Variants in DLG2 observed in about 807,000 individuals in gnomAD.
DLG2 encodes the protein disks large homolog 2.
In DLG2, 45 loss-of-function variants were observed where a neutral mutation model predicts 132.5. The ratio of observed to expected loss-of-function variants is 0.34; its 90% confidence interval spans 0.27 to 0.44. The LOEUF (loss-of-function observed/expected upper bound fraction) is 0.44, where lower values mean the gene tolerates loss of function less well. Among genes scored for constraint, DLG2 ranks in the 20% least tolerant of loss-of-function variants. DLG2 has a pLI of 1.00. For synonymous variants in DLG2, 424 were observed against 419.6 expected (o/e 1.01, Z -0.13); for missense variants, 1,045 against 1,196.9 (o/e 0.87, Z 1.87).
At chr11:85,220,185 AT>A (rs1391320868) in intron 4 of DLG2, among the ~76,000 whole-genome samples, 2 of 152,112 alleles carry the variant, frequency 1.3e-5, no homozygotes, top group African/African-American at 4.8e-5. Flanking sequence ...ATGATATCAA[AT>A]TTTGGTAACT....
chr11:83,788,251 C>T (rs2040557580), intron 17 of DLG2, among the ~76,000 whole-genome samples: 1 of 152,142 alleles, frequency 6.6e-6, no homozygotes, highest in South Asian at 2.1e-4. Context: ...CGCTTAAATT[C>T]CACATCATGA....
intron 3 of DLG2, among the ~76,000 whole-genome samples, chr11:85,541,053 G>C (rs2075933261): frequency 6.6e-6 from 1 of 152,170 alleles, no homozygotes; most frequent in South Asian, 2.1e-4. Context: ...ATGCAAATCT[G>C]ACTCAAATAA....
In DLG2 at chr11:83,881,770, G is replaced by T. The variant is rs7118864; in HGVS notation, c.1497-7282C>A. ...TTCAGGTGATTTGCATACTAACAAA[G>T]AATCAATTGTAATTATTCTTAAATC... is the stretch of plus-strand genomic sequence containing the variant. On this transcript the variant is annotated intron_variant, in intron 15 of 27. Transcript: ENST00000376104. 2.0e-3 allele frequency among the ~76,000 whole-genome samples: 307 copies of T among 152,220 alleles called. 1 individual carries two copies. Among genetic ancestry groups the T allele is most frequent in the African/African-American group, 6.8e-3 (283 of 41,544 alleles).
intron 6 of DLG2, among the ~76,000 whole-genome samples, chr11:85,058,141 A>G (rs1000815620): frequency 2.0e-5 from 3 of 151,718 alleles, no homozygotes; most frequent in Non-Finnish European, 4.4e-5. Context: ...AATTATTTAC[A>G]TAGTAAATCC....
chr11:83,664,522 T>C (rs2075104154), intron 18 of DLG2, among the ~76,000 whole-genome samples: 1 of 150,402 alleles, frequency 6.6e-6, no homozygotes. Context: ...CACTGGGAGG[T>C]AGTAGTTAAA....
chr11:84,583,381 G>C (rs904318982), intron 6 of DLG2, among the ~76,000 whole-genome samples: 1 of 152,144 alleles, frequency 6.6e-6, no homozygotes, highest in South Asian at 2.1e-4. Flanking sequence ...TTTCATGTCT[G>C]TCATCTCTTT....
intron 7 of DLG2, among the ~76,000 whole-genome samples, chr11:84,254,197 G>A (rs1007836296): frequency 3.3e-5 from 5 of 151,746 alleles, no homozygotes; most frequent in African/African-American, 1.2e-4. Flanking sequence ...TTAATAAATA[G>A]GTATTAATTT....
upstream of DLG2, among the ~76,000 whole-genome samples, chr11:85,628,314 T>C (rs1047909902): frequency 6.6e-6 from 1 of 152,156 alleles, no homozygotes; most frequent in Non-Finnish European, 1.5e-5. Context: ...CCGCCCCATC[T>C]TTCCCGCAGG....
At chr11:83,949,148 C>T (rs1694651100) in intron 14 of DLG2, among the ~76,000 whole-genome samples, 1 of 152,050 alleles carries the variant, frequency 6.6e-6, no homozygotes, top group Non-Finnish European at 1.5e-5. Flanking sequence ...GAGTATGAAA[C>T]ATTCTTTTTC....
chr11:84,081,768 G>T (rs1019114049), intron 10 of DLG2, among the ~76,000 whole-genome samples: 1 of 152,132 alleles, frequency 6.6e-6, no homozygotes, highest in South Asian at 2.1e-4. Flanking sequence ...GAATAGTGCC[G>T]CAATAAACAT....
chr11:83,458,264 A>G lies in DLG2; in HGVS notation c.*1554T>C, dbSNP rs941025355. On this transcript the variant is annotated 3_prime_UTR_variant, in exon 28 of 28. Transcript: ENST00000376104. ...CAATGCTGATGTCGCCATCCACTCT[A>G]AAGTGGGAAACCAACTCTTCTAGTT... The G allele has an allele frequency of 4.6e-5, 7 of 152,642 alleles. No homozygotes were observed. Among genetic ancestry groups the G allele is most frequent in the South Asian group, 4.1e-4 (2 of 4,834 alleles). The allele number at this position is 152,642 out of a possible 1,614,324, so 9.5% of individuals were successfully genotyped here.
At chr11:85,432,845 C>A (rs564578568) in intron 3 of DLG2, among the ~76,000 whole-genome samples, 1 of 152,196 alleles carries the variant, frequency 6.6e-6, no homozygotes, top group African/African-American at 2.4e-5. Flanking sequence ...ACGAGAAGAA[C>A]AACCCCAAGA....
chr11:84,469,824 T>C (rs749953816), intron 7 of DLG2, among the ~76,000 whole-genome samples: 1 of 151,474 alleles, frequency 6.6e-6, no homozygotes, highest in Non-Finnish European at 1.5e-5. Context: ...TCAAATGAAA[T>C]AGAGTCATGG....
intron 21 of DLG2, among the ~76,000 whole-genome samples, chr11:83,506,612 G>A (rs894294139): frequency 2.0e-5 from 3 of 152,136 alleles, no homozygotes; most frequent in Middle Eastern, 3.2e-3. Flanking sequence ...AGGCAGCACA[G>A]GGTTTATCTC....
intron 6 of DLG2, among the ~76,000 whole-genome samples, chr11:84,548,543 G>C (rs2099395261): frequency 6.7e-6 from 1 of 148,714 alleles, no homozygotes; most frequent in African/African-American, 2.5e-5. Flanking sequence ...TTGGTTTTTT[G>C]TCCTTGCGAT....
At chr11:84,791,258 G>A (rs899957569) in intron 6 of DLG2, among the ~76,000 whole-genome samples, 13 of 152,122 alleles carry the variant, frequency 8.5e-5, no homozygotes, top group African/African-American at 3.1e-4. Flanking sequence ...TACAATTTGA[G>A]ATAAGATTTG....
intron 6 of DLG2, among the ~76,000 whole-genome samples, chr11:84,884,856 C>T (rs934010034): frequency 6.6e-6 from 1 of 151,980 alleles, no homozygotes; most frequent in Non-Finnish European, 1.5e-5. Flanking sequence ...ACATTGTGTG[C>T]CTTTTGAGTA....
chr11:85,241,054 T>C (rs1204177818), intron 4 of DLG2, among the ~76,000 whole-genome samples: 2 of 151,746 alleles, frequency 1.3e-5, no homozygotes, highest in Non-Finnish European at 2.9e-5. Context: ...ATTTTATTTA[T>C]TTAGATATTA....
chr11:84,910,460 T>A (rs910677985), intron 6 of DLG2, among the ~76,000 whole-genome samples: 3 of 152,178 alleles, frequency 2.0e-5, no homozygotes, highest in African/African-American at 7.2e-5. Context: ...CAAATCAAAT[T>A]AACTTTAATA....
Sources: allele counts gnomAD v4.1 joint callset (sites outside exome capture counted in the v4.1 genomes callset), GRCh38; gene constraint gnomAD v4.1.1; transcripts MANE v1.5; gene names NCBI Gene and HGNC (gene_info 2026-07-23, HGNC 2026-07-21).